Variants in CCDC191 observed in about 807,000 individuals in gnomAD.
The protein encoded by CCDC191 is coiled-coil domain-containing protein 191.
Under a neutral mutation model 114.0 loss-of-function variants are expected in CCDC191, and 99 were observed. The ratio of observed to expected loss-of-function variants is 0.87; its 90% CI spans 0.74 to 1.03. CCDC191 has a LOEUF of 1.03. Ranked by LOEUF, CCDC191 falls within the 50% of genes least tolerant of loss-of-function variation. The probability of loss-of-function intolerance (pLI) is 0.00; values close to 1 mark genes in which losing one functional copy is unlikely to be tolerated. For synonymous variants in CCDC191, 351 were observed against 376.0 expected (o/e 0.93, Z 0.77); for missense variants, 973 against 1,087.0 (o/e 0.90, Z 1.47).
intron 9 of CCDC191, among the ~76,000 whole-genome samples, chr3:114,006,593 TATATATATATATA>T (rs1489755618): frequency 2.2e-4 from 29 of 132,266 alleles, no homozygotes; most frequent in Non-Finnish European, 3.6e-4. Flanking sequence ...TCCAGATATA[TATATATATATATA>T]TATATATATA....
At chr3:113,976,082 A>T (rs575675827) in intron 16 of CCDC191, among the ~76,000 whole-genome samples, 1 of 145,718 alleles carries the variant, frequency 6.9e-6, no homozygotes, top group African/African-American at 2.4e-5. Context: ...CATGGTAAAA[A>T]ACGCTGTCTC....
intron 7 of CCDC191, among the ~76,000 whole-genome samples, chr3:114,030,226 A>C (rs533739229): frequency 6.6e-6 from 1 of 152,172 alleles, no homozygotes; most frequent in Non-Finnish European, 1.5e-5. Context: ...GTAAAACTGC[A>C]TATGTGTCTA....
At chr3:114,008,080 C>A (rs1053959737) in intron 9 of CCDC191, among the ~76,000 whole-genome samples, 23 of 145,070 alleles carry the variant, frequency 1.6e-4, no homozygotes, top group African/African-American at 5.8e-4. Context: ...ATATATATTA[C>A]TATATATATA....
Position 114,040,480 on chromosome 3 carries a change from G to A in CCDC191, c.415+2223C>T, listed in dbSNP as rs563525524. Among the ~76,000 whole-genome samples, 37 of 151,654 alleles carry A rather than the reference G, an allele frequency of 2.4e-4. 1 individual carries two copies. The highest frequency in any genetic ancestry group is 1.9e-3 in the Admixed American group (29 of 15,216). On this transcript the variant is annotated intron_variant, in intron 4 of 16. Coordinates refer to ENST00000295878, the MANE Select transcript of CCDC191 (RefSeq NM_020817.2). ...TTTCTGATGGATTGACTCTTTTATC[G>A]TTAGAAAATGCACTTTTTGTTTCTA...
chr3:114,054,690 G>A (rs980521707), intron 1 of CCDC191, among the ~76,000 whole-genome samples: 6 of 151,858 alleles, frequency 4.0e-5, no homozygotes, highest in African/African-American at 1.2e-4. Context: ...GGAATGGGGC[G>A]AGGGTTAATC....
At chr3:113,978,517 G>T in intron 15 of CCDC191, 186 bp from the exon 16 acceptor site, 1 of 637,960 alleles carries the variant, frequency 1.6e-6, no homozygotes, top group Non-Finnish European at 2.7e-6. Context: ...AATGGTAAGA[G>T]AACACATGAA....
intron 16 of CCDC191, among the ~76,000 whole-genome samples, chr3:113,970,256 G>A (rs1261406686): frequency 6.6e-6 from 1 of 152,048 alleles, no homozygotes; most frequent in Non-Finnish European, 1.5e-5. Flanking sequence ...TTTTGGTGGA[G>A]TCTTTAGGTT....
At chr3:114,008,816 C>A (rs1577405942) in intron 9 of CCDC191, among the ~76,000 whole-genome samples, 1 of 152,070 alleles carries the variant, frequency 6.6e-6, no homozygotes, top group South Asian at 2.1e-4. Flanking sequence ...CTTACTACAT[C>A]CATATATAGA....
intron 11 of CCDC191, chr3:114,003,449 A>G: frequency 2.0e-6 from 2 of 985,414 alleles, no homozygotes; most frequent in South Asian, 9.4e-5. Flanking sequence ...AGATGGCGAG[A>G]GTGAAATTGT....
intron 13 of CCDC191, among the ~76,000 whole-genome samples, chr3:113,993,171 G>A (rs34704767): frequency 0.048 from 7,289 of 152,168 alleles, 235 homozygotes; most frequent in Non-Finnish European, 0.073. Context: ...GGTGGCTCAC[G>A]CCTGTAATCC....
chr3:114,000,450 A>G (rs894079362), intron 13 of CCDC191, among the ~76,000 whole-genome samples: 2 of 152,184 alleles, frequency 1.3e-5, no homozygotes, highest in Non-Finnish European at 2.9e-5. Context: ...ATGGCAGATC[A>G]TGAGACTTCT....
At chr3:114,044,169 AT>A (rs150931435) in intron 3 of CCDC191, among the ~76,000 whole-genome samples, 6,090 of 152,148 alleles carry the variant, frequency 0.04, 394 homozygotes, top group African/African-American at 0.14. Context: ...AGTGGATGAA[AT>A]TACCAAAGGA....
chr3:114,040,245 A>G (rs1577467565), intron 4 of CCDC191, among the ~76,000 whole-genome samples: 1 of 152,230 alleles, frequency 6.6e-6, no homozygotes, highest in Admixed American at 6.5e-5. Flanking sequence ...AGTAGGCTCT[A>G]TCATCCAGGT....
chr3:113,992,031 G>T (rs746770510), intron 13 of CCDC191, among the ~76,000 whole-genome samples: 78 of 152,232 alleles, frequency 5.1e-4, no homozygotes, highest in Middle Eastern at 3.4e-3. Flanking sequence ...TTAGCAAGAT[G>T]GTGGAATAGC....
rs2076057823 is a variant in CCDC191 at position 114,010,894 on chromosome 3, T to G, written c.1291A>C (p.Lys431Gln). 1.9e-6 allele frequency: 3 copies of G among 1,614,120 alleles called. No individual in the cohort carries two copies. The highest frequency in any genetic ancestry group is 2.7e-5 in the African/African-American group (2 of 75,072). ...GCCTGCAGCAGTGCATCCATCTTCT[T>G]CCTAGTTTCCTCTTTTGTGAGAGCC... is the stretch of plus-strand genomic sequence containing the variant. ...ELALTKEETRKKMDALLQAAS... is the reference protein window; with the variant it reads ...ELALTKEETRQKMDALLQAAS... Residue 431 changes from lysine (K) to glutamine (Q), a missense_variant, in exon 9 of 17, where the codon AAG becomes CAG. Transcript: ENST00000295878.
intron 4 of CCDC191, among the ~76,000 whole-genome samples, chr3:114,037,294 C>T (rs879629388): frequency 3.3e-5 from 5 of 152,166 alleles, no homozygotes; most frequent in Admixed American, 6.5e-5. Context: ...CTCTTCCTTT[C>T]ACTCCTCCCC....
intron 4 of CCDC191, among the ~76,000 whole-genome samples, chr3:114,040,924 G>C (rs996734864): frequency 1.3e-5 from 2 of 151,760 alleles, no homozygotes; most frequent in Non-Finnish European, 2.9e-5. Context: ...GTTAGATTTT[G>C]TTAAGTGCCT....
intron 1 of CCDC191, among the ~76,000 whole-genome samples, chr3:114,054,591 T>C (rs959589208): frequency 2.6e-5 from 4 of 152,106 alleles, no homozygotes; most frequent in Non-Finnish European, 4.4e-5. Context: ...GAGCCGAGAT[T>C]GCACCACTGC....
At chr3:113,977,252 G>A (rs554939693) in intron 16 of CCDC191, among the ~76,000 whole-genome samples, 7 of 152,152 alleles carry the variant, frequency 4.6e-5, no homozygotes, top group African/African-American at 1.4e-4. Flanking sequence ...TCATGCCACT[G>A]CACTTCAGCC....
Sources: allele counts gnomAD v4.1 joint callset (sites outside exome capture counted in the v4.1 genomes callset), GRCh38; gene constraint gnomAD v4.1.1; transcripts MANE v1.5; gene names NCBI Gene and HGNC (gene_info 2026-07-23, HGNC 2026-07-21).